Variants in DOK6 observed in about 807,000 individuals in gnomAD.
DOK6 encodes docking protein 6.
In DOK6, 22 loss-of-function variants were observed where a neutral mutation model predicts 44.0. The ratio of observed to expected loss-of-function variants is 0.50; its 90% CI spans 0.36 to 0.71. DOK6 has a LOEUF of 0.71. Ranked by LOEUF, DOK6 falls within the 30% of genes least tolerant of loss-of-function variation. The pLI is 0.00. For missense variants in DOK6, 340 were observed against 416.4 expected, an observed-to-expected ratio of 0.82 and a Z score of 1.60; for synonymous variants, 166 against 145.5, an observed-to-expected ratio of 1.14 and a Z score of -1.01.
At chr18:69,464,267 C>G (rs759509973) in intron 1 of DOK6, among the ~76,000 whole-genome samples, 1 of 152,140 alleles carries the variant, frequency 6.6e-6, no homozygotes, top group Non-Finnish European at 1.5e-5. Context: ...GATTGACATC[C>G]TGATGTGAGA....
intron 1 of DOK6, among the ~76,000 whole-genome samples, chr18:69,538,161 A>G (rs1354487181): frequency 6.6e-6 from 1 of 152,230 alleles, no homozygotes; most frequent in African/African-American, 2.4e-5. Context: ...TTTTGAGAAT[A>G]GAAATGTTAT....
intron 7 of DOK6, among the ~76,000 whole-genome samples, chr18:69,830,308 A>G (rs1981865493): frequency 6.6e-6 from 1 of 152,140 alleles, no homozygotes; most frequent in Non-Finnish European, 1.5e-5. Flanking sequence ...ACATAGGTTG[A>G]CTCCCTAAAC....
chr18:69,611,949 TACACAC>T (rs56185499), intron 3 of DOK6, among the ~76,000 whole-genome samples: 2 of 150,080 alleles, frequency 1.3e-5, no homozygotes, highest in African/African-American at 2.5e-5. Context: ...ATATAAAACT[TACACAC>T]ACACACACAC....
intron 3 of DOK6, among the ~76,000 whole-genome samples, chr18:69,624,977 A>G (rs577734089): frequency 1.2e-4 from 19 of 152,238 alleles, no homozygotes; most frequent in Non-Finnish European, 2.4e-4. Flanking sequence ...AAAAATTTTT[A>G]TTAAGTATCA....
At chr18:69,785,321 G>A (rs1980398121) in intron 7 of DOK6, among the ~76,000 whole-genome samples, 1 of 152,116 alleles carries the variant, frequency 6.6e-6, no homozygotes, top group South Asian at 2.1e-4. Context: ...ATTTGGTTCA[G>A]CAAAACATTT....
chr18:69,801,923 A>G (rs1374251793), intron 7 of DOK6, among the ~76,000 whole-genome samples: 1 of 152,202 alleles, frequency 6.6e-6, no homozygotes, highest in Non-Finnish European at 1.5e-5. Context: ...TTGTCAATAC[A>G]TATTATAAAT....
chr18:69,439,785 T>C (rs1477359045), intron 1 of DOK6, among the ~76,000 whole-genome samples: 2 of 152,220 alleles, frequency 1.3e-5, no homozygotes, highest in Non-Finnish European at 2.9e-5. Flanking sequence ...CCACTCAAAC[T>C]TTCTCCATAT....
At chr18:69,827,718 C>A (rs1188738417) in intron 7 of DOK6, among the ~76,000 whole-genome samples, 2 of 151,886 alleles carry the variant, frequency 1.3e-5, no homozygotes, top group Admixed American at 1.3e-4. Context: ...CATGATGTTT[C>A]TTATATGTAG....
rs953890778 is a variant in DOK6 at position 69,801,099 on chromosome 18, G to A, written c.857-40145G>A. ...CTTTACTTTGATTTTGTTTTGTTTT[G>A]TTTTGTTTTGTTTTGTTTTGTTTTG... On this transcript the variant is annotated intron_variant, in intron 7 of 7. Coordinates refer to ENST00000382713, the MANE Select transcript of DOK6 (RefSeq NM_152721.6). 4.0e-4 allele frequency among the ~76,000 whole-genome samples: 12 copies of A among 29,756 alleles called. No individual in the cohort carries two copies. The East Asian group carries it at 0.018, about 44-fold the overall frequency. The allele number at this position is 29,756 out of a possible 152,430, so 19.5% of individuals were successfully genotyped here.
chr18:69,813,531 G>A (rs574221705), intron 7 of DOK6, among the ~76,000 whole-genome samples: 130 of 152,152 alleles, frequency 8.5e-4, no homozygotes, highest in Non-Finnish European at 1.7e-3. Context: ...AAATAAATTA[G>A]GAGAAAAGGA....
At chr18:69,506,572 A>G (rs982627946) in intron 1 of DOK6, among the ~76,000 whole-genome samples, 1 of 152,136 alleles carries the variant, frequency 6.6e-6, no homozygotes, top group Non-Finnish European at 1.5e-5. Context: ...ATTTATATTT[A>G]TCAGTGGGTC....
chr18:69,651,865 G>A (rs1469384364), intron 3 of DOK6, among the ~76,000 whole-genome samples: 1 of 151,988 alleles, frequency 6.6e-6, no homozygotes, highest in East Asian at 1.9e-4. Context: ...ACCTCCATTG[G>A]TTAAATAATA....
At chr18:69,563,588 GGGAATTGAACAAT>G (rs1166459203) in intron 1 of DOK6, among the ~76,000 whole-genome samples, 2 of 147,266 alleles carry the variant, frequency 1.4e-5, no homozygotes, top group Non-Finnish European at 3.0e-5. Flanking sequence ...ACTCATAGGT[GGGAATTGAACAAT>G]GAGAACACAT....
At chr18:69,833,790 A>C (rs1252824735) in intron 7 of DOK6, among the ~76,000 whole-genome samples, 1 of 152,218 alleles carries the variant, frequency 6.6e-6, no homozygotes, top group African/African-American at 2.4e-5. Context: ...AGTGGCAAAC[A>C]GATATGTAGA....
At chr18:69,593,477 A>G (rs1168477971) in intron 2 of DOK6, among the ~76,000 whole-genome samples, 1 of 152,178 alleles carries the variant, frequency 6.6e-6, no homozygotes, top group African/African-American at 2.4e-5. Flanking sequence ...GCTGAAGTGG[A>G]TAACATCACA....
intron 1 of DOK6, among the ~76,000 whole-genome samples, chr18:69,404,129 T>C (rs186323602): frequency 6.6e-5 from 10 of 152,310 alleles, no homozygotes; most frequent in Middle Eastern, 3.4e-3. Flanking sequence ...CAGAGATAAT[T>C]ATTGACATGA....
chr18:69,728,777 C>T (rs923608121), intron 5 of DOK6, among the ~76,000 whole-genome samples: 1 of 152,174 alleles, frequency 6.6e-6, no homozygotes, highest in Non-Finnish European at 1.5e-5. Context: ...CAAGCTGGTT[C>T]AGAGAGTGAA....
At chr18:69,516,130 G>T (rs1299098680) in intron 1 of DOK6, among the ~76,000 whole-genome samples, 1 of 152,160 alleles carries the variant, frequency 6.6e-6, no homozygotes, top group Non-Finnish European at 1.5e-5. Flanking sequence ...TGGAGTGTCT[G>T]GTGCACCCTG....
At chr18:69,571,079 A>G (rs2144602973) in intron 2 of DOK6, among the ~76,000 whole-genome samples, 1 of 152,154 alleles carries the variant, frequency 6.6e-6, no homozygotes, top group East Asian at 1.9e-4. Context: ...ATATGTGATA[A>G]ATATAATGTA....
Sources: gnomAD v4.1 joint callset for allele counts (sites outside exome capture counted in the v4.1 genomes callset) on GRCh38, gnomAD v4.1.1 for gene constraint, MANE v1.5 for transcripts, NCBI Gene and HGNC (gene_info 2026-07-23, HGNC 2026-07-21) for gene names.